The following SUGCT variants were observed in gnomAD, a reference collection of about 807,000 sequenced individuals.
The protein encoded by SUGCT is succinyl-CoA:glutarate CoA-transferase.
SUGCT carries 41 observed loss-of-function variants against 55.0 expected under a neutral mutation model. The observed-to-expected ratio is 0.74, with a 90% CI of 0.58 to 0.97. SUGCT has a LOEUF of 0.97. SUGCT is among the 50% of genes least tolerant of loss of function. The pLI is 0.00. For synonymous variants in SUGCT, 187 were observed against 200.4 expected, an observed-to-expected ratio of 0.93 and a Z score of 0.56; for missense variants, 568 against 547.8, an observed-to-expected ratio of 1.04 and a Z score of -0.37.
At chr7:41,007,613 T>G in the SUGCT span, among the ~76,000 whole-genome samples, 3 of 152,184 alleles carry the variant, frequency 2.0e-5, no homozygotes, top group Non-Finnish European at 4.4e-5. Flanking sequence ...AGTGATCAAA[T>G]ACTTACTTGA....
At chr7:40,644,026 T>C (rs1441817665) in intron 12 of SUGCT, among the ~76,000 whole-genome samples, 1 of 152,068 alleles carries the variant, frequency 6.6e-6, no homozygotes, top group Non-Finnish European at 1.5e-5. Context: ...TGCGGGAAGG[T>C]AGGAAGTCTG....
At chr7:40,668,790 C>G (rs960430426) in intron 12 of SUGCT, among the ~76,000 whole-genome samples, 4 of 152,108 alleles carry the variant, frequency 2.6e-5, no homozygotes, top group Non-Finnish European at 5.9e-5. Flanking sequence ...GGCAGCCTCA[C>G]AAGACAAAAA....
chr7:40,721,080 G>T (rs1786305103), intron 12 of SUGCT, among the ~76,000 whole-genome samples: 1 of 152,176 alleles, frequency 6.6e-6, no homozygotes, highest in Non-Finnish European at 1.5e-5. Flanking sequence ...TCATGCAAAA[G>T]CCTTAAGTAA....
chr7:40,733,382 T>C (rs929071181), intron 12 of SUGCT, among the ~76,000 whole-genome samples: 3 of 152,182 alleles, frequency 2.0e-5, no homozygotes, highest in African/African-American at 7.2e-5. Context: ...GGCTCCTTCC[T>C]AAAATAGTTC....
At chr7:40,856,673 A>C (rs1794184522) in intron 13 of SUGCT, among the ~76,000 whole-genome samples, 1 of 152,210 alleles carries the variant, frequency 6.6e-6, no homozygotes, top group Admixed American at 6.5e-5. Context: ...TATTGAGCAG[A>C]CTTAAAAATC....
At chr7:40,147,775 C>A (rs1788339096) in intron 1 of SUGCT, among the ~76,000 whole-genome samples, 1 of 152,132 alleles carries the variant, frequency 6.6e-6, no homozygotes, top group South Asian at 2.1e-4. Flanking sequence ...TGAGAGAGAA[C>A]CAGAGACCAC....
the SUGCT span, among the ~76,000 whole-genome samples, chr7:40,882,351 T>A: frequency 6.6e-6 from 1 of 152,298 alleles, no homozygotes; most frequent in South Asian, 2.1e-4. Context: ...CATCCACTGG[T>A]TGGATTTCTT....
At chr7:40,657,562 G>A (rs574302678) in intron 12 of SUGCT, among the ~76,000 whole-genome samples, 3 of 151,532 alleles carry the variant, frequency 2.0e-5, no homozygotes, top group African/African-American at 4.9e-5. Flanking sequence ...GTGCAGTGGC[G>A]CAATCTCTGT....
intron 8 of SUGCT, among the ~76,000 whole-genome samples, chr7:40,277,387 G>T (rs969577582): frequency 6.6e-6 from 1 of 150,390 alleles, no homozygotes; most frequent in Non-Finnish European, 1.5e-5. Flanking sequence ...ACGGGGTTTT[G>T]CCATGTTGGC....
At chr7:40,951,423 T>G in the SUGCT span, among the ~76,000 whole-genome samples, 1 of 152,108 alleles carries the variant, frequency 6.6e-6, no homozygotes, top group Non-Finnish European at 1.5e-5. Flanking sequence ...GATTCATTGA[T>G]TTTTTGAAGG....
chr7:40,457,601 T>A (rs1461686735), intron 10 of SUGCT, among the ~76,000 whole-genome samples: 1 of 152,186 alleles, frequency 6.6e-6, no homozygotes, highest in African/African-American at 2.4e-5. Flanking sequence ...ATGATCACAG[T>A]CATTGAAGTT....
chr7:40,923,669 T>C, the SUGCT span, among the ~76,000 whole-genome samples: 1 of 152,168 alleles, frequency 6.6e-6, no homozygotes, highest in Non-Finnish European at 1.5e-5. Flanking sequence ...GGCCTGCAAT[T>C]TTCTCTAGTC....
intron 9 of SUGCT, among the ~76,000 whole-genome samples, chr7:40,359,996 A>G (rs564086268): frequency 1.3e-5 from 2 of 152,240 alleles, no homozygotes; most frequent in East Asian, 3.9e-4. Flanking sequence ...ATAGCCCATG[A>G]GTCTGCTGTG....
chr7:40,332,618 A>G (rs1218258732), intron 9 of SUGCT, among the ~76,000 whole-genome samples: 1 of 152,166 alleles, frequency 6.6e-6, no homozygotes, highest in Non-Finnish European at 1.5e-5. Context: ...CCTAGTTCAA[A>G]GAAGCTGGGA....
chr7:40,773,977 G>A (rs1186531484), intron 13 of SUGCT, among the ~76,000 whole-genome samples: 1 of 152,206 alleles, frequency 6.6e-6, no homozygotes, highest in African/African-American at 2.4e-5. Flanking sequence ...GGAAATCAGA[G>A]TGGAAATGGA....
intron 1 of SUGCT, among the ~76,000 whole-genome samples, chr7:40,144,267 A>G (rs944243364): frequency 1.3e-5 from 2 of 152,222 alleles, no homozygotes; most frequent in African/African-American, 2.4e-5. Flanking sequence ...ATCAAATGCA[A>G]TAGTTTGAAG....
chr7:40,899,403 C>T, the SUGCT span, among the ~76,000 whole-genome samples: 3 of 152,194 alleles, frequency 2.0e-5, no homozygotes, highest in East Asian at 1.9e-4. Context: ...ACGCAGGCTG[C>T]GCCAAAGCCT....
intron 9 of SUGCT, among the ~76,000 whole-genome samples, chr7:40,351,845 A>G (rs998283893): frequency 1.3e-5 from 2 of 152,214 alleles, no homozygotes; most frequent in Non-Finnish European, 2.9e-5. Context: ...GAAGAAACAG[A>G]GAAGAGTTTA....
At chr7:40,740,435 A>G (rs1787400251) in intron 12 of SUGCT, among the ~76,000 whole-genome samples, 1 of 149,516 alleles carries the variant, frequency 6.7e-6, no homozygotes, top group South Asian at 2.1e-4. Flanking sequence ...TGTGCCTTTT[A>G]TGTTTTTCTT....
Sources: gnomAD v4.1 joint callset for allele counts (sites outside exome capture counted in the v4.1 genomes callset) on GRCh38, gnomAD v4.1.1 for gene constraint, MANE v1.5 for transcripts, NCBI Gene and HGNC (gene_info 2026-07-23, HGNC 2026-07-21) for gene names.